The following EPG5 variants were observed in gnomAD, a reference collection of about 807,000 sequenced individuals.
EPG5 encodes the protein ectopic P-granules 5 autophagy tethering factor.
A neutral mutation model predicts 302.7 loss-of-function variants in EPG5; 159 were observed. The ratio of observed to expected loss-of-function variants is 0.53; its 90% CI spans 0.46 to 0.60. The LOEUF is 0.60. Among genes scored for constraint, EPG5 ranks in the 20% least tolerant of loss-of-function variants. EPG5 has a pLI of 0.00. For missense variants in EPG5, 2,896 were observed against 3,092.4 expected, an observed-to-expected ratio of 0.94 and a Z score of 1.51; for synonymous variants, 1,158 against 1,136.8, an observed-to-expected ratio of 1.02 and a Z score of -0.37.
At chr18:45,900,619 AAGAATATGGAG>A (rs2049592754) in intron 26 of EPG5, among the ~76,000 whole-genome samples, 1 of 152,150 alleles carries the variant, frequency 6.6e-6, no homozygotes, top group Non-Finnish European at 1.5e-5. Context: ...CAATTTCTTA[AAGAATATGGAG>A]AAGTAGAGAG....
At chr18:45,895,077 C>G (rs1115699) in intron 27 of EPG5, among the ~76,000 whole-genome samples, 150,180 of 152,286 alleles carry the variant, frequency 0.99, 74,054 homozygotes, top group East Asian at 1. Context: ...GGGAATGTCA[C>G]GGGCTTCAGA....
At chr18:45,874,750 A>C (rs1599465595) in intron 35 of EPG5, among the ~76,000 whole-genome samples, 1 of 152,230 alleles carries the variant, frequency 6.6e-6, no homozygotes, top group South Asian at 2.1e-4. Context: ...GGGTGGGGAC[A>C]CTGCCAAACC....
chr18:45,883,012 CAAAAAAA>C (rs35030980), intron 30 of EPG5, among the ~76,000 whole-genome samples: 2 of 87,442 alleles, frequency 2.3e-5, no homozygotes, highest in African/African-American at 7.5e-5. Context: ...CGTCTCACAA[CAAAAAAA>C]AAAAAAAAAA....
intron 15 of EPG5, 76 bp downstream of exon 15, chr18:45,923,192 A>T: frequency 2.7e-6 from 4 of 1,503,228 alleles, no homozygotes; most frequent in Middle Eastern, 1.8e-4. Flanking sequence ...TCAATAGTAT[A>T]AGTCTATCAT....
chr18:45,950,864 G>C (rs186546033), intron 4 of EPG5, among the ~76,000 whole-genome samples: 219 of 152,216 alleles, frequency 1.4e-3, no homozygotes, highest in African/African-American at 5.1e-3. Flanking sequence ...TTCTTTCAAA[G>C]CTGAAGTCCA....
intron 11 of EPG5, among the ~76,000 whole-genome samples, chr18:45,934,594 C>T (rs2050475627): frequency 6.6e-6 from 1 of 152,204 alleles, no homozygotes; most frequent in Non-Finnish European, 1.5e-5. Flanking sequence ...TATTGGTATA[C>T]TGTTTGGGAC....
rs1555673890 is a variant in EPG5 at position 45,913,732 on chromosome 18, C to CAGAGTTTATCACCAATTCCCCTTCAATA, written c.3762_3789dup (p.Ala1264TyrfsTer2). ...TTCAGAGCTTGGTCAGGGGTGAAAG[C>CAGAGTTTATCACCAATTCCCCTTCAATA]AGAGTTTATCACCAATTCCCCTTCA... On this transcript the variant is annotated stop_gained and frameshift_variant, in exon 21 of 44. Coordinates refer to ENST00000282041, the MANE Select transcript of EPG5 (RefSeq NM_020964.3). LOFTEE classifies it high-confidence loss of function. 2.5e-6 allele frequency: 4 copies of CAGAGTTTATCACCAATTCCCCTTCAATA among 1,614,090 alleles called. No individual in the cohort carries two copies. Among genetic ancestry groups the CAGAGTTTATCACCAATTCCCCTTCAATA allele is most frequent in the Non-Finnish European group, 3.4e-6 (4 of 1,179,968 alleles).
chr18:45,825,813 C>G, the EPG5 span: 6 of 1,613,012 alleles, frequency 3.7e-6, no homozygotes, highest in Admixed American at 8.3e-5. Flanking sequence ...GGCCCATGCT[C>G]GGGACAGAAT....
chr18:45,828,706 T>C, the EPG5 span, among the ~76,000 whole-genome samples: 2 of 152,334 alleles, frequency 1.3e-5, no homozygotes, highest in East Asian at 3.9e-4. Context: ...CAGAGGCTTC[T>C]GAGTGTGCAT....
At chr18:45,810,995 G>A in the EPG5 span, among the ~76,000 whole-genome samples, 1 of 152,136 alleles carries the variant, frequency 6.6e-6, no homozygotes, top group African/African-American at 2.4e-5. Flanking sequence ...CAGCAATATT[G>A]GCATACAAGA....
chr18:45,951,095 C>A lies in EPG5; in HGVS notation c.1389+7G>T. ...AAAGACTACTGTGTCTATCTCTGTC[C>A]CCTTACCAATTTCTGCAGCCAGAGA... On this transcript the variant is annotated splice_region_variant and intron_variant, in intron 4 of 43. Coordinates refer to ENST00000282041, the MANE Select transcript of EPG5 (RefSeq NM_020964.3). 1 of 1,563,276 alleles carries A rather than the reference C, an allele frequency of 6.4e-7. No individual in the cohort carries two copies. Among genetic ancestry groups the A allele is most frequent in the Non-Finnish European group, 8.6e-7 (1 of 1,156,978 alleles).
Position 45,864,837 on chromosome 18 carries a change from A to G in EPG5, c.6766+778T>C, listed in dbSNP as rs143808049. ...AGCTTGTTATCAATTCTCAAAACAG[A>G]TATCTCTTTTCCTGCATAAACATTT... On this transcript the variant is annotated intron_variant, in intron 39 of 43. Coordinates refer to ENST00000282041, the MANE Select transcript of EPG5 (RefSeq NM_020964.3). Among the ~76,000 whole-genome samples the G allele has an allele frequency of 3.4e-3, 511 of 152,372 alleles. 2 individuals are homozygous for G. The highest frequency in any genetic ancestry group is 0.011 in the African/African-American group (475 of 41,594).
chr18:45,957,009 A>G (rs2051048066), intron 1 of EPG5, among the ~76,000 whole-genome samples: 1 of 152,060 alleles, frequency 6.6e-6, no homozygotes, highest in South Asian at 2.1e-4. Flanking sequence ...ACATTTAAAT[A>G]AAGTTGTTTC....
chr18:45,950,821 G>A (rs2050890810), intron 4 of EPG5, among the ~76,000 whole-genome samples: 1 of 152,106 alleles, frequency 6.6e-6, no homozygotes, highest in African/African-American at 2.4e-5. Flanking sequence ...TATACATCTA[G>A]TCTTCAATTT....
intron 34 of EPG5, 45 bp downstream of exon 34, chr18:45,878,331 G>A: frequency 7.8e-7 from 1 of 1,280,510 alleles, no homozygotes; most frequent in Non-Finnish European, 1.1e-6. Flanking sequence ...AGAATTTTAA[G>A]TCTACAAACG....
At chr18:45,952,262 T>TG in intron 3 of EPG5, 138 bp downstream of exon 3, 6 of 973,002 alleles carry the variant, frequency 6.2e-6, no homozygotes, top group Non-Finnish European at 9.1e-6. Context: ...AATCCTACAG[T>TG]GGGGGAGGCC....
intron 22 of EPG5, among the ~76,000 whole-genome samples, 174 bp from the exon 23 acceptor site, chr18:45,910,916 G>C (rs1680558917): frequency 6.6e-6 from 1 of 152,056 alleles, no homozygotes; most frequent in Admixed American, 6.6e-5. Context: ...ACAAGATGGT[G>C]TATATGAAAG....
chr18:45,949,709 C>A, intron 4 of EPG5, 118 bp from the exon 5 acceptor site: 1 of 599,352 alleles, frequency 1.7e-6, no homozygotes, highest in South Asian at 2.5e-5. Flanking sequence ...AAAGAGTAAC[C>A]AGACACAAGA....
intron 22 of EPG5, among the ~76,000 whole-genome samples, 177 bp from the exon 23 acceptor site, chr18:45,910,919 T>C (rs1477847243): frequency 6.6e-6 from 1 of 152,134 alleles, no homozygotes; most frequent in Non-Finnish European, 1.5e-5. Context: ...AGATGGTGTA[T>C]ATGAAAGTAG....
Sources: gnomAD v4.1 joint callset for allele counts (sites outside exome capture counted in the v4.1 genomes callset) on GRCh38, gnomAD v4.1.1 for gene constraint, MANE v1.5 for transcripts, NCBI Gene and HGNC (gene_info 2026-07-23, HGNC 2026-07-21) for gene names.